Variants in CHN2 observed in about 807,000 individuals in gnomAD.
The protein encoded by CHN2 is beta-chimaerin.
Under a neutral mutation model 56.3 loss-of-function variants are expected in CHN2, and 35 were observed. The observed-to-expected ratio is 0.62, with a 90% confidence interval of 0.47 to 0.82. The LOEUF is 0.82. Ranked by LOEUF, CHN2 falls within the 40% of genes least tolerant of loss-of-function variation. The pLI is 0.00. For missense variants in CHN2, 491 were observed against 580.5 expected (o/e 0.85, Z 1.58); for synonymous variants, 210 against 212.8 (o/e 0.99, Z 0.12).
At chr7:29,502,354 C>A (rs1261004177) in intron 9 of CHN2, among the ~76,000 whole-genome samples, 1 of 152,128 alleles carries the variant, frequency 6.6e-6, no homozygotes, top group East Asian at 1.9e-4. Context: ...TTGGCCACCA[C>A]CATCTCATCT....
At chr7:29,331,312 T>A (rs914937130) in intron 1 of CHN2, among the ~76,000 whole-genome samples, 1 of 151,686 alleles carries the variant, frequency 6.6e-6, no homozygotes, top group East Asian at 1.9e-4. Context: ...CATCTGGGAG[T>A]GGCCAAGAGT....
intron 6 of CHN2, among the ~76,000 whole-genome samples, chr7:29,463,175 G>T (rs1785298984): frequency 6.6e-6 from 1 of 152,008 alleles, no homozygotes; most frequent in Non-Finnish European, 1.5e-5. Context: ...CAGGTCCCCA[G>T]CCTCCCAATA....
chr7:29,244,195 T>C (rs951844433), intron 1 of CHN2, among the ~76,000 whole-genome samples: 4 of 152,148 alleles, frequency 2.6e-5, no homozygotes, highest in African/African-American at 9.7e-5. Context: ...CATTTCCGAG[T>C]CTGGGATTTC....
intron 3 of CHN2, among the ~76,000 whole-genome samples, chr7:29,392,506 T>A (rs923408069): frequency 6.6e-6 from 1 of 152,196 alleles, no homozygotes; most frequent in Non-Finnish European, 1.5e-5. Flanking sequence ...AATTCTCAGG[T>A]GTAAAATGCA....
chr7:29,225,473 A>G (rs1282690034), intron 1 of CHN2, among the ~76,000 whole-genome samples: 2 of 152,220 alleles, frequency 1.3e-5, no homozygotes, highest in South Asian at 2.1e-4. Context: ...ACTGTGTGCA[A>G]ATGTGTGTGC....
At chr7:29,294,601 C>T (rs893092432) in intron 1 of CHN2, among the ~76,000 whole-genome samples, 2 of 152,082 alleles carry the variant, frequency 1.3e-5, no homozygotes, top group Non-Finnish European at 2.9e-5. Context: ...TAAGTCAGCA[C>T]GTTTGATTCA....
At chr7:29,369,655 A>C (rs1259676766) in intron 3 of CHN2, among the ~76,000 whole-genome samples, 4 of 152,216 alleles carry the variant, frequency 2.6e-5, no homozygotes, top group Non-Finnish European at 4.4e-5. Flanking sequence ...GAACCATGTC[A>C]GTTGCCCTTA....
chr7:29,197,845 G>C, intron 1 of CHN2: 1 of 450,338 alleles, frequency 2.2e-6, no homozygotes, highest in African/African-American at 2.0e-5. Context: ...GAGAGGAATT[G>C]ACTTAGTCAA....
chr7:29,182,342 G>A (rs1476327713), intron 2 of CHN2, among the ~76,000 whole-genome samples: 2 of 152,302 alleles, frequency 1.3e-5, no homozygotes, highest in South Asian at 2.1e-4. Flanking sequence ...TACCAATAAT[G>A]AAATAAGATC....
intron 1 of CHN2, among the ~76,000 whole-genome samples, chr7:29,300,564 C>G (rs1414560620): frequency 2.0e-5 from 3 of 152,074 alleles, no homozygotes; most frequent in Non-Finnish European, 4.4e-5. Context: ...GCCAGAGATG[C>G]AGCGTAATAC....
chr7:29,361,946 G>A (rs1164190314), intron 2 of CHN2, among the ~76,000 whole-genome samples: 1 of 152,142 alleles, frequency 6.6e-6, no homozygotes, highest in Non-Finnish European at 1.5e-5. Flanking sequence ...GTTCTCTCTT[G>A]CTTCCTTGTC....
At chr7:29,274,506 A>G (rs566030730) in intron 1 of CHN2, among the ~76,000 whole-genome samples, 1 of 152,138 alleles carries the variant, frequency 6.6e-6, no homozygotes, top group Non-Finnish European at 1.5e-5. Flanking sequence ...ATCTCACTTA[A>G]TTGTAACCTC....
chr7:29,505,590 A>G (rs763541329), intron 10 of CHN2, among the ~76,000 whole-genome samples: 5 of 152,198 alleles, frequency 3.3e-5, no homozygotes, highest in Non-Finnish European at 7.3e-5. Context: ...TGTCCTGTCT[A>G]TCTGAAATGT....
intron 6 of CHN2, among the ~76,000 whole-genome samples, chr7:29,473,815 G>C (rs1328154124): frequency 1.3e-5 from 2 of 151,910 alleles, no homozygotes; most frequent in African/African-American, 2.4e-5. Flanking sequence ...TCTGGCCCTT[G>C]GTCTCTTCCC....
chr7:29,199,575 CTAAAATTAACCCTGTGAGAGAAATTAT>C (rs1343633201), intron 1 of CHN2: 2 of 152,160 alleles, frequency 1.3e-5, no homozygotes, highest in African/African-American at 4.8e-5. Context: ...ACTTGCAAAG[CTAAAATTAACCCTGTGAGAGAAATTAT>C]TTACTCAGAT....
At chr7:29,338,488 T>C (rs1476037573) in intron 1 of CHN2, among the ~76,000 whole-genome samples, 2 of 152,236 alleles carry the variant, frequency 1.3e-5, no homozygotes, top group Non-Finnish European at 2.9e-5. Flanking sequence ...TATGTGATTA[T>C]TTATGTGATT....
At chr7:29,326,880 C>A (rs60243109) in intron 1 of CHN2, among the ~76,000 whole-genome samples, 121 of 152,256 alleles carry the variant, frequency 7.9e-4, no homozygotes, top group African/African-American at 2.8e-3. Context: ...TTATTCCATG[C>A]TAGGTATCCA....
intron 1 of CHN2, among the ~76,000 whole-genome samples, chr7:29,307,799 A>G (rs10085422): frequency 0.3 from 45,351 of 152,060 alleles, 6,927 homozygotes; most frequent in East Asian, 0.34. Flanking sequence ...TTCACATCCA[A>G]TTGGGGCCAT....
intron 6 of CHN2, among the ~76,000 whole-genome samples, chr7:29,451,753 C>T (rs944492079): frequency 1.3e-5 from 2 of 152,152 alleles, no homozygotes; most frequent in African/African-American, 2.4e-5. Context: ...ACCAAGGAAA[C>T]TAGGGTGTGA....
Sources: allele counts gnomAD v4.1 joint callset (sites outside exome capture counted in the v4.1 genomes callset), GRCh38; gene constraint gnomAD v4.1.1; transcripts MANE v1.5; gene names NCBI Gene and HGNC (gene_info 2026-07-23, HGNC 2026-07-21).